The following COL3A1 variants were observed in gnomAD, a reference collection of about 807,000 sequenced individuals.
COL3A1 encodes collagen type III alpha 1 chain, also known as collagen alpha-1(III) chain.
Under a neutral mutation model 200.9 loss-of-function variants are expected in COL3A1, and 46 were observed. The observed-to-expected ratio is 0.23, with a 90% CI of 0.18 to 0.29. The LOEUF (loss-of-function observed/expected upper bound fraction) is 0.29. COL3A1 is among the 10% of genes least tolerant of loss of function. The pLI is 1.00. For synonymous variants in COL3A1, 650 were observed against 628.0 expected, an observed-to-expected ratio of 1.03 and a Z score of -0.52; for missense variants, 1,367 against 1,917.6, an observed-to-expected ratio of 0.71 and a Z score of 5.36.
At chr2:188,990,481 A>G in intron 10 of COL3A1, 121 bp downstream of exon 10, 2 of 892,028 alleles carry the variant, frequency 2.2e-6, no homozygotes, top group South Asian at 3.0e-5. Context: ...TTAATTTGAT[A>G]TTTTTAAGTC....
In COL3A1 at chr2:189,007,604, T is replaced by C. The variant is rs1312448359; in HGVS notation, c.3360T>C (p.Ser1120=). 1 of 1,610,240 alleles carries C rather than the reference T, an allele frequency of 6.2e-7. No individual in the cohort carries two copies. Among genetic ancestry groups the C allele is most frequent in the Non-Finnish European group, 8.5e-7 (1 of 1,177,582 alleles). Residue 1120 remains serine, a synonymous_variant, in exon 45 of 51, where the codon TCT becomes TCC. Transcript: ENST00000304636. The stretch of plus-strand genomic sequence containing the variant: ...CTGGTAATCCAGGTGCCCCAGGTTC[T>C]CCAGTAAGTGCATTCATTTTGTTGG... The part of the protein sequence containing the change: ...GFPGNPGAPG[S]PGPAGQQGAI...
At chr2:189,005,206 C>T (rs1233567810) in intron 40 of COL3A1, 144 bp from the exon 41 acceptor site, 2 of 761,716 alleles carry the variant, frequency 2.6e-6, no homozygotes, top group Admixed American at 2.5e-5. Flanking sequence ...ATATTTTTTC[C>T]CATAGCAGGC....
intron 35 of COL3A1, 32 bp from the exon 36 acceptor site, chr2:189,002,923 A>C (rs958977300): frequency 1.4e-6 from 2 of 1,418,402 alleles, no homozygotes; most frequent in Non-Finnish European, 2.0e-6. Context: ...AAAGAGTGTC[A>C]GCTGAGAGAT....
intron 10 of COL3A1, 89 bp from the exon 11 acceptor site, chr2:188,990,915 C>T (rs1189599514): frequency 7.5e-6 from 10 of 1,329,686 alleles, no homozygotes; most frequent in Non-Finnish European, 9.7e-6. Flanking sequence ...GTTATGAAGA[C>T]CAATTAGAAA....
intron 35 of COL3A1, 88 bp from the exon 36 acceptor site, chr2:189,002,867 G>A (rs1688497535): frequency 1.9e-6 from 2 of 1,040,118 alleles, no homozygotes; most frequent in South Asian, 2.8e-5. Context: ...TCCATCTGAA[G>A]AATTCTATAT....
At position 189,010,320 on chromosome 2, in the gene COL3A1, G is replaced by A. The variant is rs560861999; in HGVS notation, c.3966G>A (p.Glu1322=). The A allele has an allele frequency of 6.8e-5, 109 of 1,614,150 alleles. 2 individuals are homozygous for A. In the South Asian group the frequency reaches 1.2e-3, roughly 17 times the overall value. The change falls in exon 49 of 51, where the codon GAG becomes GAA. Residue 1322 remains glutamate (E), a synonymous_variant. Transcript: ENST00000304636. ...RKHWWTDSSA[E]KKHVWFGESM... ...ACTGGTGGACAGATTCTAGTGCTGAGAAGAAACACGTTTGGTTTGGAGAGT... is the reference window on the plus strand; with the variant it reads ...ACTGGTGGACAGATTCTAGTGCTGAAAAGAAACACGTTTGGTTTGGAGAGT...
chr2:189,005,218 T>C (rs1389771399), intron 40 of COL3A1, 132 bp from the exon 41 acceptor site: 4 of 849,212 alleles, frequency 4.7e-6, no homozygotes, highest in East Asian at 5.4e-5. Flanking sequence ...ATAGCAGGCA[T>C]AGTTTTAATT....
At chr2:188,983,518 A>G (rs991077807) in intron 1 of COL3A1, among the ~76,000 whole-genome samples, 3 of 151,912 alleles carry the variant, frequency 2.0e-5, no homozygotes, top group African/African-American at 7.2e-5. Flanking sequence ...CTAGACAGAG[A>G]GATGATATAG....
chr2:188,984,288 C>T (rs772679303), intron 1 of COL3A1, among the ~76,000 whole-genome samples: 2 of 151,958 alleles, frequency 1.3e-5, no homozygotes, highest in Admixed American at 6.6e-5. Context: ...CCAAGATTAG[C>T]TCAGTTTTCC....
intron 34 of COL3A1, 117 bp downstream of exon 34, chr2:189,001,706 A>C: frequency 6.7e-6 from 7 of 1,037,930 alleles, no homozygotes; most frequent in Non-Finnish European, 1.1e-5. Context: ...TGGAGATATT[A>C]TCTTCAAAAA....
In COL3A1 at chr2:189,006,457, G is replaced by A. The variant is rs1206254125; in HGVS notation, c.3201+5G>A. ...AGTGGTGACAGAGGAGAAAGTGTGA[G>A]TTCCCAAAAGCAGCATCTGTCTTGT... On this transcript the variant is annotated splice_donor_5th_base_variant and intron_variant, in intron 43 of 50. Coordinates refer to ENST00000304636, the MANE Select transcript of COL3A1 (RefSeq NM_000090.4). The A allele has an allele frequency of 6.2e-7, 1 of 1,613,372 alleles. No individual in the cohort carries two copies.
At position 189,006,472 on chromosome 2, in the gene COL3A1, A is replaced by G. The variant is rs2153503735; in HGVS notation, c.3201+20A>G. The G allele has an allele frequency of 6.2e-7, 1 of 1,609,400 alleles. No individual in the cohort carries two copies. The highest frequency in any genetic ancestry group is 8.5e-7 in the Non-Finnish European group (1 of 1,175,852). On this transcript the variant is annotated intron_variant, in intron 43 of 50. Coordinates refer to ENST00000304636, the MANE Select transcript of COL3A1 (RefSeq NM_000090.4). ...GAAAGTGTGAGTTCCCAAAAGCAGC[A>G]TCTGTCTTGTTTGTCTATTTCCTTC... is the stretch of plus-strand genomic sequence containing the variant.
chr2:189,007,503 C>T lies in COL3A1; in HGVS notation c.3259C>T (p.Pro1087Ser), dbSNP rs1688619897. ...GPAGSRGAPGPQGPRGDKGET... is the reference protein window; with the variant it reads ...GPAGSRGAPGSQGPRGDKGET... ...AATTCAAAATATGTTTCTAAAGGGT[C>T]CTCAAGGCCCACGTGGTGACAAAGG... is the stretch of plus-strand genomic sequence containing the variant. Residue 1087 changes from proline (P) to serine (S), a missense_variant, in exon 45 of 51, where the codon CCT (proline) becomes TCT (serine). Pro to Ser is a moderately conservative substitution (Grantham distance 74). This residue lies in a region of COL3A1 where 846 missense variants were observed against 1,147.9 expected (regional missense o/e 0.74). Coordinates refer to ENST00000304636, the MANE Select transcript of COL3A1 (RefSeq NM_000090.4). The T allele has an allele frequency of 3.1e-6, 5 of 1,612,400 alleles. No homozygotes were observed. Among genetic ancestry groups the T allele is most frequent in the South Asian group, 2.2e-5 (2 of 90,812 alleles).
Position 188,985,713 on chromosome 2 carries a change from C to T in COL3A1, c.382C>T (p.Gln128Ter), listed in dbSNP as rs759147777. Reference sequence around the variant, plus strand: ...AAATGGTGACCCTGGTATTCCAGGACAACCAGGGTCCCCTGGTTCTCCTGG... The same window carrying T: ...AAATGGTGACCCTGGTATTCCAGGATAACCAGGGTCCCCTGGTTCTCCTGG... ...GRNGDPGIPG[Q>*]PGSPGSPGPP... Residue 128 changes from glutamine (Q) to a stop codon, truncating the protein, a stop_gained, in exon 4 of 51, where the codon CAA (glutamine) becomes TAA (stop). Transcript: ENST00000304636. LOFTEE classifies it high-confidence loss of function. 6.2e-7 allele frequency: 1 copy of T among 1,611,328 alleles called. No homozygotes were observed. The highest frequency in any genetic ancestry group is 8.5e-7 in the Non-Finnish European group (1 of 1,178,830).
chr2:188,984,214 A>AT, intron 1 of COL3A1, among the ~76,000 whole-genome samples: 1 of 152,136 alleles, frequency 6.6e-6, no homozygotes, highest in East Asian at 1.9e-4. Flanking sequence ...TAACAGTGAC[A>AT]TTCAATACAC....
rs1687767062 is a variant in COL3A1, at chr2:188,974,542, C to G, written c.53C>G (p.Pro18Arg). Reference protein sequence around the residue: ...GSWLLLALLHPTIILAQQEAV... With the variant: ...GSWLLLALLHRTIILAQQEAV... Reference sequence around the variant, plus strand: ...TGGCTACTTCTCGCTCTGCTTCATCCCACTATTATTTTGGCACAACAGGAA... The same window carrying G: ...TGGCTACTTCTCGCTCTGCTTCATCGCACTATTATTTTGGCACAACAGGAA... Residue 18 changes from proline to arginine, a missense_variant, in exon 1 of 51, where the codon CCC becomes CGC. Coordinates refer to ENST00000304636, the MANE Select transcript of COL3A1 (RefSeq NM_000090.4). The G allele has an allele frequency of 1.2e-6, 2 of 1,613,866 alleles. No homozygotes were observed. The highest frequency in any genetic ancestry group is 1.7e-5 in the Admixed American group (1 of 59,990).
chr2:189,006,871 C>T (rs373303350), intron 43 of COL3A1, 66 bp from the exon 44 acceptor site: 22 of 1,521,364 alleles, frequency 1.4e-5, no homozygotes, highest in Non-Finnish European at 1.6e-5. Flanking sequence ...CTTTTGAAAA[C>T]GAAATTGTGT....
chr2:188,993,524 A>T, intron 16 of COL3A1, 65 bp downstream of exon 16: 2 of 1,324,568 alleles, frequency 1.5e-6, no homozygotes, highest in Non-Finnish European at 2.1e-6. Flanking sequence ...GCATAGTTTC[A>T]TGCTTACTCC....
chr2:188,999,921 A>T (rs1378566543), intron 32 of COL3A1, 26 bp downstream of exon 32: 1 of 1,573,940 alleles, frequency 6.4e-7, no homozygotes. Flanking sequence ...GAGGAGAAGC[A>T]GGCCTTATCT....
Sources: allele counts gnomAD v4.1 joint callset (sites outside exome capture counted in the v4.1 genomes callset), GRCh38; gene constraint gnomAD v4.1.1; regional missense constraint gnomAD v4.1.1; transcripts MANE v1.5; gene names NCBI Gene and HGNC (gene_info 2026-07-23, HGNC 2026-07-21).